NRXN3: variants seen among roughly 807,000 people sequenced by gnomAD.
NRXN3 encodes the protein neurexin III.
In NRXN3, 32 loss-of-function variants were observed where a neutral mutation model predicts 137.6. That is an observed-to-expected ratio of 0.23 (90% CI 0.18 to 0.31). NRXN3 has a LOEUF of 0.31. Among genes scored for constraint, NRXN3 ranks in the 10% least tolerant of loss-of-function variants. The pLI, the probability that NRXN3 is intolerant of heterozygous loss-of-function variation, is 1.00. For synonymous variants in NRXN3, 798 were observed against 784.5 expected (o/e 1.02, Z -0.29); for missense variants, 1,574 against 2,062.5 (o/e 0.76, Z 4.59).
At chr14:79,031,641 T>C (rs747039014) in intron 15 of NRXN3, among the ~76,000 whole-genome samples, 1 of 152,150 alleles carries the variant, frequency 6.6e-6, no homozygotes, top group Non-Finnish European at 1.5e-5. Context: ...TTCCATCTGG[T>C]GTAGCCAAAT....
chr14:79,775,788 A>G (rs1308495270), intron 19 of NRXN3, among the ~76,000 whole-genome samples: 3 of 152,152 alleles, frequency 2.0e-5, no homozygotes, highest in Non-Finnish European at 4.4e-5. Context: ...TAGAAAGGCT[A>G]TGTTTGAAGA....
chr14:79,059,277 A>C (rs1012014281), intron 15 of NRXN3, among the ~76,000 whole-genome samples: 2 of 54,872 alleles, frequency 3.6e-5, no homozygotes, highest in Admixed American at 5.0e-4. Context: ...TTTTTTTTTG[A>C]GATGGAGTCT....
At chr14:79,492,537 C>T (rs1213395961) in intron 16 of NRXN3, among the ~76,000 whole-genome samples, 1 of 152,036 alleles carries the variant, frequency 6.6e-6, no homozygotes, top group Non-Finnish European at 1.5e-5. Flanking sequence ...CACGTGCTAC[C>T]ATGCCCAGCT....
At chr14:78,707,761 G>A (rs961558531) in intron 6 of NRXN3, among the ~76,000 whole-genome samples, 6 of 152,088 alleles carry the variant, frequency 3.9e-5, no homozygotes, top group Admixed American at 1.3e-4. Flanking sequence ...ATGCCTTTGC[G>A]TCTTCATAGC....
chr14:79,387,583 C>G (rs532455942), intron 15 of NRXN3, among the ~76,000 whole-genome samples: 1 of 152,102 alleles, frequency 6.6e-6, no homozygotes, highest in Non-Finnish European at 1.5e-5. Context: ...TACCATTTGA[C>G]CCAACCATCC....
At chr14:78,534,268 T>C (rs2096507964) in intron 4 of NRXN3, among the ~76,000 whole-genome samples, 1 of 152,226 alleles carries the variant, frequency 6.6e-6, no homozygotes, top group Non-Finnish European at 1.5e-5. Context: ...GATGATATTT[T>C]ATATCAAAAC....
intron 10 of NRXN3, among the ~76,000 whole-genome samples, chr14:78,905,560 C>A (rs1385443665): frequency 1.3e-5 from 2 of 151,916 alleles, no homozygotes; most frequent in African/African-American, 2.4e-5. Context: ...TGCTGTTCTA[C>A]AAAGCCTATT....
At chr14:79,384,664 G>T (rs1350637939) in intron 15 of NRXN3, among the ~76,000 whole-genome samples, 10 of 152,224 alleles carry the variant, frequency 6.6e-5, no homozygotes, top group Admixed American at 4.6e-4. Context: ...AACTGTGAAG[G>T]TGTTTAGGAC....
At chr14:79,631,336 C>T (rs172711) in intron 16 of NRXN3, among the ~76,000 whole-genome samples, 40,156 of 152,284 alleles carry the variant, frequency 0.26, 5,986 homozygotes, top group African/African-American at 0.4. Context: ...GGCGCCTCCT[C>T]GGCCTCAGCG....
At chr14:78,443,660 A>G (rs576243836) in intron 4 of NRXN3, among the ~76,000 whole-genome samples, 2 of 152,332 alleles carry the variant, frequency 1.3e-5, no homozygotes, top group African/African-American at 4.8e-5. Context: ...CTGCTACTTA[A>G]TATCCATATT....
At chr14:79,581,001 A>G (rs2153810547) in intron 16 of NRXN3, among the ~76,000 whole-genome samples, 1 of 152,214 alleles carries the variant, frequency 6.6e-6, no homozygotes, top group East Asian at 1.9e-4. Context: ...TAATGTGATC[A>G]GTCTGTTCAG....
At chr14:79,099,284 T>C (rs1054823931) in intron 15 of NRXN3, among the ~76,000 whole-genome samples, 1 of 152,106 alleles carries the variant, frequency 6.6e-6, no homozygotes, top group African/African-American at 2.4e-5. Flanking sequence ...GAGATTTAAT[T>C]CTAGACCCTA....
chr14:79,655,959 G>A (rs1488680795), intron 16 of NRXN3, among the ~76,000 whole-genome samples: 1 of 152,192 alleles, frequency 6.6e-6, no homozygotes, highest in African/African-American at 2.4e-5. Context: ...TTCTGATTCA[G>A]AGGGTCTTGC....
At chr14:78,524,231 A>G (rs2096339661) in intron 4 of NRXN3, among the ~76,000 whole-genome samples, 1 of 152,232 alleles carries the variant, frequency 6.6e-6, no homozygotes, top group Non-Finnish European at 1.5e-5. Flanking sequence ...TCGTATTTCT[A>G]CCTGCATGTG....
In NRXN3 at chr14:78,528,454, A is replaced by T. The variant is rs549613954; in HGVS notation, c.758-116666A>T. On this transcript the variant is annotated intron_variant, in intron 4 of 20. Coordinates refer to ENST00000335750, the MANE Select transcript of NRXN3 (RefSeq NM_001330195.2). ...GCCAGGATGTGGGATGTAGTGCGGG[A>T]TGGTTGTTTTATTTGATTTTCCCCA... Among the ~76,000 whole-genome samples, 14 of 152,176 alleles carry T rather than the reference A, an allele frequency of 9.2e-5. No individual in the cohort carries two copies. The South Asian group carries it at 2.5e-3, about 27-fold the overall frequency.
intron 16 of NRXN3, among the ~76,000 whole-genome samples, chr14:79,536,205 A>G (rs1230285474): frequency 6.6e-6 from 1 of 152,286 alleles, no homozygotes; most frequent in East Asian, 1.9e-4. Context: ...GTTGGACTCT[A>G]TATGGAAAGG....
chr14:78,746,923 C>G (rs540774117), intron 8 of NRXN3, among the ~76,000 whole-genome samples: 35 of 152,306 alleles, frequency 2.3e-4, no homozygotes, highest in South Asian at 2.3e-3. Flanking sequence ...AAAGCCAGAT[C>G]TTGACATATG....
chr14:79,094,064 TAAAG>T (rs1302873269), intron 15 of NRXN3, among the ~76,000 whole-genome samples: 1 of 152,030 alleles, frequency 6.6e-6, no homozygotes, highest in African/African-American at 2.4e-5. Flanking sequence ...AGAGCTGAGA[TAAAG>T]AAATAAAGGG....
At chr14:79,844,498 T>C (rs567147414) in intron 20 of NRXN3, among the ~76,000 whole-genome samples, 2 of 152,186 alleles carry the variant, frequency 1.3e-5, no homozygotes, top group South Asian at 4.2e-4. Context: ...CACAGCAGAA[T>C]GGATGTTGTG....
Sources: gnomAD v4.1 joint callset for allele counts (sites outside exome capture counted in the v4.1 genomes callset) on GRCh38, gnomAD v4.1.1 for gene constraint, MANE v1.5 for transcripts, NCBI Gene and HGNC (gene_info 2026-07-23, HGNC 2026-07-21) for gene names.